CCSER1: variants seen among roughly 807,000 people sequenced by gnomAD.
The protein encoded by CCSER1 is serine-rich coiled-coil domain-containing protein 1.
CCSER1 carries 41 observed loss-of-function variants against 82.0 expected under a neutral mutation model. The ratio of observed to expected loss-of-function variants is 0.50; its 90% CI spans 0.39 to 0.65. The LOEUF is 0.65. Ranked by LOEUF, CCSER1 falls within the 30% of genes least tolerant of loss-of-function variation. The probability of loss-of-function intolerance (pLI) is 0.00; values close to 1 mark genes in which losing one functional copy is unlikely to be tolerated. For synonymous variants in CCSER1, 414 were observed against 383.9 expected (o/e 1.08, Z -0.92); for missense variants, 1,119 against 1,064.2 (o/e 1.05, Z -0.72).
At chr4:91,066,211 G>T (rs1423964371) in intron 9 of CCSER1, among the ~76,000 whole-genome samples, 1 of 152,056 alleles carries the variant, frequency 6.6e-6, no homozygotes, top group Non-Finnish European at 1.5e-5. Flanking sequence ...ACCAAAATGG[G>T]TCACATTCTA....
At chr4:91,549,612 G>A (rs1012860455) in intron 10 of CCSER1, among the ~76,000 whole-genome samples, 8 of 152,076 alleles carry the variant, frequency 5.3e-5, no homozygotes, top group African/African-American at 1.2e-4. Flanking sequence ...AGAGGCAAGC[G>A]GATCACTTGA....
intron 9 of CCSER1, among the ~76,000 whole-genome samples, chr4:91,083,003 C>T (rs911279729): frequency 7.2e-5 from 11 of 152,132 alleles, no homozygotes; most frequent in South Asian, 2.1e-4. Flanking sequence ...GACAGTGTGG[C>T]GATTCCTCAA....
chr4:90,526,389 T>TA (rs1462335653), intron 5 of CCSER1, among the ~76,000 whole-genome samples: 1 of 152,160 alleles, frequency 6.6e-6, no homozygotes, highest in Non-Finnish European at 1.5e-5. Context: ...CAATTGTAGC[T>TA]AACATCAGAA....
At chr4:91,198,542 A>C (rs1313475252) in intron 10 of CCSER1, among the ~76,000 whole-genome samples, 1 of 152,148 alleles carries the variant, frequency 6.6e-6, no homozygotes, top group Non-Finnish European at 1.5e-5. Flanking sequence ...GGAAGAGGCT[A>C]TTTCTTAGAA....
At chr4:90,704,147 G>C (rs1309376779) in intron 6 of CCSER1, among the ~76,000 whole-genome samples, 3 of 152,084 alleles carry the variant, frequency 2.0e-5, no homozygotes, top group African/African-American at 7.2e-5. Context: ...CTTCCTTCAG[G>C]AGCTCTTTTA....
At chr4:90,139,044 TTTTG>T (rs1446092296) in intron 1 of CCSER1, among the ~76,000 whole-genome samples, 2 of 152,330 alleles carry the variant, frequency 1.3e-5, no homozygotes, top group East Asian at 1.9e-4. Flanking sequence ...TAGACTTTTT[TTTTG>T]TTTGTCTGTT....
chr4:91,480,464 G>A (rs113661072), intron 10 of CCSER1, among the ~76,000 whole-genome samples: 61 of 152,284 alleles, frequency 4.0e-4, no homozygotes, highest in African/African-American at 1.4e-3. Context: ...ATCTCATTGT[G>A]GTTTTGATTT....
chr4:91,278,903 T>G (rs958248749), intron 10 of CCSER1, among the ~76,000 whole-genome samples: 1 of 152,150 alleles, frequency 6.6e-6, no homozygotes, highest in Admixed American at 6.6e-5. Context: ...ATATTATATT[T>G]TCATTCCCAC....
At chr4:90,638,341 A>G (rs1183853854) in intron 6 of CCSER1, among the ~76,000 whole-genome samples, 4 of 152,162 alleles carry the variant, frequency 2.6e-5, no homozygotes, top group Non-Finnish European at 5.9e-5. Context: ...ATGAAATATC[A>G]TTACACAACT....
chr4:90,297,178 G>A (rs932176032), intron 1 of CCSER1, among the ~76,000 whole-genome samples: 2 of 150,558 alleles, frequency 1.3e-5, no homozygotes, highest in African/African-American at 5.0e-5. Flanking sequence ...TTGAGAAGTA[G>A]TTTGTAGTTC....
chr4:90,178,940 G>A (rs1733205821), intron 1 of CCSER1, among the ~76,000 whole-genome samples: 2 of 152,102 alleles, frequency 1.3e-5, no homozygotes, highest in African/African-American at 4.8e-5. Flanking sequence ...AATGTCCAAG[G>A]TGATTTTTTT....
chr4:91,027,844 A>G (rs952424944), intron 9 of CCSER1, among the ~76,000 whole-genome samples: 1 of 152,084 alleles, frequency 6.6e-6, no homozygotes, highest in Non-Finnish European at 1.5e-5. Context: ...CAAACCACAT[A>G]CAAGCCAAAT....
In CCSER1 at chr4:90,707,538, A is replaced by AT. The variant is rs199769910; in HGVS notation, c.1933-16376_1933-16375insT. Among the ~76,000 whole-genome samples, 1,176 of 138,048 alleles carry AT rather than the reference A, an allele frequency of 8.5e-3. 8 individuals carry two copies. Among genetic ancestry groups the AT allele is most frequent in the East Asian group, 0.013 (61 of 4,746 alleles). 90.6% of individuals were successfully genotyped at this position (138,048 alleles called of 152,430 possible). On this transcript the variant is annotated intron_variant, in intron 6 of 10. Transcript: ENST00000509176. Reference sequence around the variant, plus strand: ...TCTGTCATTTCTACCTTAAAAAAAAAATATATATATATATATATAATATTC... The same window carrying AT: ...TCTGTCATTTCTACCTTAAAAAAAAATATATATATATATATATATAATATTC...
chr4:91,337,344 G>A (rs990762209), intron 10 of CCSER1, among the ~76,000 whole-genome samples: 2 of 152,172 alleles, frequency 1.3e-5, no homozygotes, highest in African/African-American at 2.4e-5. Flanking sequence ...ATTTTTCTGC[G>A]TTGTGGTCAA....
In CCSER1 at chr4:91,377,661, A is replaced by G. The variant is rs550051414; in HGVS notation, c.2218-220911A>G. Among the ~76,000 whole-genome samples the G allele has an allele frequency of 2.0e-5, 3 of 152,252 alleles. No homozygotes were observed. The South Asian group carries it at 6.2e-4, about 32-fold the overall frequency. ...ATTCTGGATATTAGCCCTTTGTTAG[A>G]TGAGTAGATTGCAAGAATGTTCTCC... On this transcript the variant is annotated intron_variant, in intron 10 of 10. Transcript: ENST00000509176.
chr4:90,229,645 T>A (rs1744026388), intron 1 of CCSER1, among the ~76,000 whole-genome samples: 1 of 152,076 alleles, frequency 6.6e-6, no homozygotes, highest in Non-Finnish European at 1.5e-5. Flanking sequence ...GTAACTGGAC[T>A]AAATGCTCCA....
At chr4:91,484,102 A>T (rs1027875842) in intron 10 of CCSER1, among the ~76,000 whole-genome samples, 7 of 151,016 alleles carry the variant, frequency 4.6e-5, no homozygotes, top group Non-Finnish European at 5.9e-5. Context: ...AGTATACATG[A>T]TTCAGTTCTC....
chr4:91,009,100 G>A (rs977895935), intron 9 of CCSER1, among the ~76,000 whole-genome samples: 4 of 152,182 alleles, frequency 2.6e-5, no homozygotes, highest in African/African-American at 9.7e-5. Flanking sequence ...CAGATCTGGA[G>A]GGATGGAAGT....
intron 9 of CCSER1, among the ~76,000 whole-genome samples, chr4:91,051,415 A>G (rs1358257036): frequency 6.6e-6 from 1 of 152,178 alleles, no homozygotes; most frequent in Admixed American, 6.5e-5. Flanking sequence ...TGAAAAATTC[A>G]TATATTGCTG....
Sources: allele counts gnomAD v4.1 joint callset (sites outside exome capture counted in the v4.1 genomes callset), GRCh38; gene constraint gnomAD v4.1.1; transcripts MANE v1.5; gene names NCBI Gene and HGNC (gene_info 2026-07-23, HGNC 2026-07-21).